The following PTPRC variants were observed in gnomAD, a reference collection of about 807,000 sequenced individuals.
The protein encoded by PTPRC is protein tyrosine phosphatase receptor type C.
In PTPRC, 44 loss-of-function variants were observed where a neutral mutation model predicts 155.9. That is an observed-to-expected ratio of 0.28 (90% CI 0.22 to 0.36). The LOEUF is 0.36. Ranked by LOEUF, PTPRC falls within the 10% of genes least tolerant of loss-of-function variation. PTPRC has a pLI of 1.00. For missense variants in PTPRC, 1,401 were observed against 1,564.6 expected (o/e 0.90, Z 1.76); for synonymous variants, 525 against 533.1 (o/e 0.98, Z 0.21).
At chr1:198,696,325 A>C (rs114339727) in intron 3 of PTPRC, among the ~76,000 whole-genome samples, 1,706 of 151,840 alleles carry the variant, frequency 0.011, 19 homozygotes, top group Non-Finnish European at 0.013. Flanking sequence ...ACAACTTTTT[A>C]ATTTTTTTAA....
chr1:198,684,666 T>C (rs1399806428), intron 2 of PTPRC, among the ~76,000 whole-genome samples: 1 of 151,794 alleles, frequency 6.6e-6, no homozygotes, highest in Non-Finnish European at 1.5e-5. Context: ...GTGCTGTTTC[T>C]TTAAAACAAA....
rs1308721901 is a variant in PTPRC, at chr1:198,694,715, C to T, written c.101-1997C>T. On this transcript the variant is annotated intron_variant, in intron 3 of 32. Transcript: ENST00000442510. The stretch of plus-strand genomic sequence containing the variant: ...AGAAAGAATTCTAAACTCTCTCCTT[C>T]CTTCCTCCCTCCCTTCTTTCCTACT... 9 of 969,626 alleles carry T rather than the reference C, an allele frequency of 9.3e-6. No homozygotes were observed. The South Asian group carries it at 2.9e-4, about 31-fold the overall frequency. 60.1% of individuals were successfully genotyped at this position (969,626 alleles called of 1,614,324 possible). A position where few individuals can be genotyped will look rare whatever the true frequency, so the allele number is the denominator to read the frequency against.
chr1:198,674,352 G>C (rs948191337), intron 2 of PTPRC, among the ~76,000 whole-genome samples: 3 of 151,204 alleles, frequency 2.0e-5, no homozygotes, highest in Non-Finnish European at 4.4e-5. Flanking sequence ...AAGTAGATAG[G>C]TAGGTAAGCT....
chr1:198,755,849 A>G (rs917518047), intron 32 of PTPRC, 57 bp from the exon 33 acceptor site: 36 of 1,519,570 alleles, frequency 2.4e-5, no homozygotes, highest in Non-Finnish European at 3.2e-5. Flanking sequence ...TTCATCTGGC[A>G]TAAAAATAAT....
intron 2 of PTPRC, among the ~76,000 whole-genome samples, chr1:198,664,496 C>T (rs1664162350): frequency 6.6e-6 from 1 of 152,148 alleles, no homozygotes; most frequent in Admixed American, 6.5e-5. Context: ...TTCCTACTTC[C>T]CTGTAGAAAA....
At chr1:198,712,714 G>C (rs557253535) in intron 11 of PTPRC, 1 of 510,096 alleles carries the variant, frequency 2.0e-6, no homozygotes, top group South Asian at 2.4e-5. Flanking sequence ...GGGGTTCTTA[G>C]ATATCTTCAA....
chr1:198,675,913 T>C (rs1005780938), intron 2 of PTPRC, among the ~76,000 whole-genome samples: 1 of 152,170 alleles, frequency 6.6e-6, no homozygotes, highest in Non-Finnish European at 1.5e-5. Context: ...TAGAACTGTG[T>C]CAAAGACCGA....
chr1:198,735,794 A>T (rs1260288358), intron 23 of PTPRC, among the ~76,000 whole-genome samples: 1 of 151,576 alleles, frequency 6.6e-6, no homozygotes, highest in Non-Finnish European at 1.5e-5. Context: ...AATCCACAAT[A>T]GGCAAGTCAA....
chr1:198,650,002 T>C (rs533468208), intron 2 of PTPRC, among the ~76,000 whole-genome samples: 1 of 151,940 alleles, frequency 6.6e-6, no homozygotes, highest in African/African-American at 2.4e-5. Flanking sequence ...AGAAGAATCA[T>C]TGAGCTACCT....
chr1:198,680,693 A>G (rs942058146), intron 2 of PTPRC, among the ~76,000 whole-genome samples: 3 of 152,084 alleles, frequency 2.0e-5, no homozygotes, highest in Non-Finnish European at 4.4e-5. Context: ...GAGTATAAAC[A>G]TTATTGAAAT....
intron 8 of PTPRC, among the ~76,000 whole-genome samples, chr1:198,705,067 T>A (rs1558009955): frequency 6.6e-6 from 1 of 152,184 alleles, no homozygotes; most frequent in African/African-American, 2.4e-5. Context: ...TCTCTTTCTG[T>A]CTTGCTTGTT....
intron 2 of PTPRC, among the ~76,000 whole-genome samples, chr1:198,675,069 T>C (rs1019701215): frequency 2.0e-5 from 3 of 152,182 alleles, no homozygotes; most frequent in Non-Finnish European, 4.4e-5. Context: ...CCTCTGTTAG[T>C]TTAATGATCC....
At chr1:198,680,812 G>T (rs897084556) in intron 2 of PTPRC, among the ~76,000 whole-genome samples, 6 of 152,270 alleles carry the variant, frequency 3.9e-5, no homozygotes, top group Admixed American at 3.3e-4. Context: ...TCAGGAGAAT[G>T]ATGTGAAATA....
chr1:198,644,386 G>A (rs1662819424), intron 2 of PTPRC, among the ~76,000 whole-genome samples: 2 of 151,714 alleles, frequency 1.3e-5, no homozygotes, highest in South Asian at 4.1e-4. Context: ...ATGATTTGAT[G>A]CCTATTTCTA....
At chr1:198,703,623 G>A (rs1358510751) in intron 7 of PTPRC, 2 of 608,452 alleles carry the variant, frequency 3.3e-6, no homozygotes, top group Non-Finnish European at 2.8e-6. Flanking sequence ...ACATCTACTA[G>A]AACTTTTTCT....
chr1:198,752,777 G>A lies in PTPRC; in HGVS notation c.3509+5G>A, dbSNP rs377707736. On this transcript the variant is annotated splice_donor_5th_base_variant and intron_variant, in intron 31 of 32. Coordinates refer to ENST00000442510, the MANE Select transcript of PTPRC (RefSeq NM_002838.5). ...ACCTCTACTCATTCACTGCAGGTGC[G>A]TGGGATTTGGTAGAATGTGCTCTCA... 6.0e-5 allele frequency: 96 copies of A among 1,611,274 alleles called. No homozygotes were observed. The highest frequency in any genetic ancestry group is 3.1e-4 in the African/African-American group (23 of 74,906).
At chr1:198,728,515 G>T in intron 16 of PTPRC, 67 bp downstream of exon 16, 1 of 1,562,776 alleles carries the variant, frequency 6.4e-7, no homozygotes, top group South Asian at 1.2e-5. Flanking sequence ...ATATCCATAT[G>T]GCAGTGATGG....
At chr1:198,679,956 G>A (rs957188257) in intron 2 of PTPRC, 68 of 625,564 alleles carry the variant, frequency 1.1e-4, no homozygotes, top group Non-Finnish European at 1.6e-4. Flanking sequence ...TCGCCCTGGC[G>A]TAGGCGACAT....
At chr1:198,715,313 C>G (rs1653528647) in intron 12 of PTPRC, among the ~76,000 whole-genome samples, 1 of 151,730 alleles carries the variant, frequency 6.6e-6, no homozygotes, top group Non-Finnish European at 1.5e-5. Flanking sequence ...TTAGTAGAGA[C>G]GGGGTTTCAC....
Sources: allele counts gnomAD v4.1 joint callset (sites outside exome capture counted in the v4.1 genomes callset), GRCh38; gene constraint gnomAD v4.1.1; transcripts MANE v1.5; gene names NCBI Gene and HGNC (gene_info 2026-07-23, HGNC 2026-07-21).